PCNX1: variants seen among roughly 807,000 people sequenced by gnomAD.
PCNX1 encodes the protein pecanex 1, also known as pecanex-like protein 1.
Under a neutral mutation model 242.2 loss-of-function variants are expected in PCNX1, and 78 were observed. The ratio of observed to expected loss-of-function variants is 0.32; its 90% CI spans 0.27 to 0.39. The LOEUF (loss-of-function observed/expected upper bound fraction) is 0.39, where lower values mean the gene tolerates loss of function less well. Ranked by LOEUF, PCNX1 falls within the 10% of genes least tolerant of loss-of-function variation. The pLI is 1.00. For missense variants in PCNX1, 2,581 were observed against 2,856.5 expected, an observed-to-expected ratio of 0.90 and a Z score of 2.20; for synonymous variants, 1,024 against 1,032.9, an observed-to-expected ratio of 0.99 and a Z score of 0.17.
chr14:71,082,198 T>C (rs2061871772), intron 28 of PCNX1, among the ~76,000 whole-genome samples: 1 of 152,232 alleles, frequency 6.6e-6, no homozygotes, highest in South Asian at 2.1e-4. Context: ...TGAGTTCTAA[T>C]TTGATTGCAC....
chr14:70,937,948 T>A (rs2057078688), intron 1 of PCNX1, among the ~76,000 whole-genome samples: 1 of 152,222 alleles, frequency 6.6e-6, no homozygotes, highest in Admixed American at 6.5e-5. Flanking sequence ...TATTGGTATA[T>A]AGGAATGCTT....
intron 2 of PCNX1, among the ~76,000 whole-genome samples, chr14:70,957,673 AGTG>A: frequency 6.6e-6 from 1 of 152,286 alleles, no homozygotes; most frequent in East Asian, 1.9e-4. Context: ...AGGTGATAAA[AGTG>A]GTCTAAAATT....
chr14:70,978,545 A>G lies in PCNX1; in HGVS notation c.2208A>G (p.Leu736=). ...GAGAGGTGCTAGATGAGCTATCTTT[A>G]TTAGGACGGGCTTCCCAGTTAGAGA... ...KEGEVLDELS[L]LGRASQLETV... The change falls in exon 6 of 36, where the codon TTA becomes TTG. Residue 736 remains leucine, a synonymous_variant. Coordinates refer to ENST00000304743, the MANE Select transcript of PCNX1 (RefSeq NM_014982.3). 1.2e-6 allele frequency: 2 copies of G among 1,614,164 alleles called. No homozygotes were observed. Among genetic ancestry groups the G allele is most frequent in the Non-Finnish European group, 1.7e-6 (2 of 1,180,008 alleles).
At chr14:71,029,984 C>T (rs1349802082) in intron 16 of PCNX1, among the ~76,000 whole-genome samples, 2 of 152,208 alleles carry the variant, frequency 1.3e-5, no homozygotes, top group Non-Finnish European at 2.9e-5. Flanking sequence ...TGAATATCAT[C>T]TTGCAAGTCT....
chr14:71,112,146 G>A lies in PCNX1; in HGVS notation c.*2211G>A, dbSNP rs1425552756. 1.3e-5 allele frequency: 2 copies of A among 152,318 alleles called. No homozygotes were observed. The highest frequency in any genetic ancestry group is 2.9e-5 in the Non-Finnish European group (2 of 67,908). The allele number at this position is 152,318 out of a possible 1,614,324, so 9.4% of individuals were successfully genotyped here. A position where few individuals can be genotyped will look rare whatever the true frequency, so the allele number is the denominator to read the frequency against. On this transcript the variant is annotated 3_prime_UTR_variant, in exon 36 of 36. Transcript: ENST00000304743. ...AGTAGAGCCTTTTCAATCTTAGATGGAAGATAATTCATTTTCCCACACAGA... is the reference window on the plus strand; with the variant it reads ...AGTAGAGCCTTTTCAATCTTAGATGAAAGATAATTCATTTTCCCACACAGA...
At chr14:71,098,582 G>A (rs2062372855) in intron 30 of PCNX1, among the ~76,000 whole-genome samples, 1 of 141,752 alleles carries the variant, frequency 7.1e-6, no homozygotes, top group African/African-American at 2.7e-5. Context: ...ATTGTAGATG[G>A]GATTGCATTA....
intron 19 of PCNX1, among the ~76,000 whole-genome samples, chr14:71,037,632 A>G (rs1192846378): frequency 7.9e-5 from 12 of 151,150 alleles, no homozygotes; most frequent in African/African-American, 2.9e-4. Context: ...CATCCCAGGG[A>G]TGAAGCCCAC....
chr14:71,014,876 G>A (rs903049717), intron 11 of PCNX1, among the ~76,000 whole-genome samples: 2 of 152,112 alleles, frequency 1.3e-5, no homozygotes, highest in Non-Finnish European at 2.9e-5. Flanking sequence ...AGGAAGCCCA[G>A]TGAACCTCAA....
intron 2 of PCNX1, among the ~76,000 whole-genome samples, chr14:70,953,347 C>T (rs2057862652): frequency 6.6e-6 from 1 of 152,064 alleles, no homozygotes; most frequent in Non-Finnish European, 1.5e-5. Context: ...TTTCTGATTA[C>T]TACTGAGGTT....
intron 8 of PCNX1, 31 bp from the exon 9 acceptor site, chr14:71,009,603 T>C (rs771615015): frequency 1.5e-6 from 2 of 1,309,884 alleles, no homozygotes; most frequent in Admixed American, 1.9e-5. Context: ...AGTATTCTAA[T>C]GGCTTTTTAA....
intron 5 of PCNX1, among the ~76,000 whole-genome samples, chr14:70,976,511 T>A (rs2058694821): frequency 6.6e-6 from 1 of 152,036 alleles, no homozygotes; most frequent in Non-Finnish European, 1.5e-5. Flanking sequence ...AAGCTGGGAC[T>A]ACAGGCGCTC....
At chr14:70,979,272 A>G (rs902220804) in intron 6 of PCNX1, among the ~76,000 whole-genome samples, 4 of 152,136 alleles carry the variant, frequency 2.6e-5, no homozygotes, top group African/African-American at 9.7e-5. Flanking sequence ...TTATATTGAC[A>G]TTTGGTATCC....
chr14:71,099,580 T>C (rs900920535), intron 30 of PCNX1, among the ~76,000 whole-genome samples: 4 of 152,240 alleles, frequency 2.6e-5, no homozygotes, highest in Non-Finnish European at 5.9e-5. Flanking sequence ...GAGTATTCTG[T>C]AGGTGTCTAT....
At chr14:70,920,671 A>C (rs1176726237) in intron 1 of PCNX1, among the ~76,000 whole-genome samples, 1 of 152,202 alleles carries the variant, frequency 6.6e-6, no homozygotes, top group African/African-American at 2.4e-5. Context: ...CAGTATGGAC[A>C]CCTGTCTCTT....
At chr14:70,956,792 T>C (rs1388353480) in intron 2 of PCNX1, among the ~76,000 whole-genome samples, 1 of 152,208 alleles carries the variant, frequency 6.6e-6, no homozygotes, top group Non-Finnish European at 1.5e-5. Flanking sequence ...ACTCAGTTTA[T>C]GTTTCATTCC....
Position 71,102,214 on chromosome 14 carries a change from C to T in PCNX1, c.5814C>T (p.Val1938=), listed in dbSNP as rs1204213386. ...MLNRRYLSFR[V]IKVNKECVRG... Reference sequence around the variant, plus strand: ...ACAGACGCTACCTGAGCTTCAGGGTCATTAAAGTAAGTGTTTGAGGTATTT... The same window carrying T: ...ACAGACGCTACCTGAGCTTCAGGGTTATTAAAGTAAGTGTTTGAGGTATTT... The change falls in exon 31 of 36, where the codon GTC becomes GTT. Residue 1938 remains valine, a synonymous_variant. Coordinates refer to ENST00000304743, the MANE Select transcript of PCNX1 (RefSeq NM_014982.3). The T allele has an allele frequency of 6.2e-7, 1 of 1,602,376 alleles. No individual in the cohort carries two copies.
chr14:71,041,540 G>A (rs555155448), intron 19 of PCNX1, among the ~76,000 whole-genome samples: 117 of 152,028 alleles, frequency 7.7e-4, no homozygotes, highest in African/African-American at 2.6e-3. Flanking sequence ...GCTATTAATC[G>A]TAATATCTCC....
intron 7 of PCNX1, among the ~76,000 whole-genome samples, chr14:70,993,368 T>A (rs970269252): frequency 9.2e-5 from 14 of 152,018 alleles, no homozygotes; most frequent in Non-Finnish European, 1.6e-4. Context: ...GACCTTGTGA[T>A]CCACCCGCCT....
intron 2 of PCNX1, among the ~76,000 whole-genome samples, chr14:70,961,523 C>T (rs71425292): frequency 6.6e-6 from 1 of 152,206 alleles, no homozygotes; most frequent in African/African-American, 2.4e-5. Context: ...ATCCTGTTAT[C>T]TTTAAGTACT....
Sources: gnomAD v4.1 joint callset for allele counts (sites outside exome capture counted in the v4.1 genomes callset) on GRCh38, gnomAD v4.1.1 for gene constraint, MANE v1.5 for transcripts, NCBI Gene and HGNC (gene_info 2026-07-23, HGNC 2026-07-21) for gene names.